The following TUSC3 variants were observed in gnomAD, a reference collection of about 807,000 sequenced individuals.
TUSC3 encodes the protein dolichyl-diphosphooligosaccharide--protein glycosyltransferase subunit TUSC3.
Under a neutral mutation model 44.8 loss-of-function variants are expected in TUSC3, and 45 were observed. The observed-to-expected ratio is 1.00, with a 90% CI of 0.79 to 1.29. The LOEUF (loss-of-function observed/expected upper bound fraction) is 1.29. Among genes scored for constraint, TUSC3 ranks in the 50% most tolerant of loss-of-function variants. TUSC3 has a pLI of 0.00. For missense variants in TUSC3, 519 were observed against 437.9 expected (o/e 1.19, Z -1.65); for synonymous variants, 212 against 152.9 (o/e 1.39, Z -2.85).
chr8:15,839,151 T>G, the TUSC3 span, among the ~76,000 whole-genome samples: 5 of 152,280 alleles, frequency 3.3e-5, no homozygotes, highest in African/African-American at 1.2e-4. Flanking sequence ...ATGATTTGGC[T>G]CTCTGTTTGT....
At chr8:15,418,800 G>T (rs1799690995) in intron 1 of TUSC3, among the ~76,000 whole-genome samples, 1 of 152,170 alleles carries the variant, frequency 6.6e-6, no homozygotes, top group South Asian at 2.1e-4. Context: ...GAAGTCAGCA[G>T]TTCAAGACCA....
chr8:15,743,695 T>G, intron 8 of TUSC3, 83 bp downstream of exon 8: 1 of 1,424,556 alleles, frequency 7.0e-7, no homozygotes, highest in Non-Finnish European at 9.9e-7. Context: ...ATAAAAGCCC[T>G]TTGTAAACAA....
chr8:15,607,986 T>C (rs1804606673), intron 1 of TUSC3, among the ~76,000 whole-genome samples: 2 of 152,196 alleles, frequency 1.3e-5, no homozygotes, highest in Admixed American at 1.3e-4. Context: ...AAGCATGCAG[T>C]GATACAGCAA....
the TUSC3 span, among the ~76,000 whole-genome samples, chr8:15,803,189 G>A: frequency 2.0e-5 from 3 of 147,378 alleles, no homozygotes; most frequent in African/African-American, 4.9e-5. Context: ...TGCCTAAAAC[G>A]TGCTTTATTA....
chr8:15,464,060 A>G (rs1800383478), intron 1 of TUSC3, among the ~76,000 whole-genome samples: 1 of 152,196 alleles, frequency 6.6e-6, no homozygotes, highest in Non-Finnish European at 1.5e-5. Context: ...ACTGTACTCT[A>G]ACAGCCTCAG....
the TUSC3 span, among the ~76,000 whole-genome samples, chr8:15,842,141 C>A: frequency 2.0e-5 from 3 of 152,206 alleles, no homozygotes; most frequent in African/African-American, 7.2e-5. Flanking sequence ...ACAAAACCTT[C>A]TTCTTGGCAT....
intron 1 of TUSC3, among the ~76,000 whole-genome samples, chr8:15,423,564 T>A (rs1799764122): frequency 6.6e-6 from 1 of 152,200 alleles, no homozygotes; most frequent in Non-Finnish European, 1.5e-5. Flanking sequence ...TCTTGTTAGC[T>A]GCCAGTTTGA....
chr8:15,630,871 G>C, intron 2 of TUSC3, among the ~76,000 whole-genome samples: 1 of 152,140 alleles, frequency 6.6e-6, no homozygotes, highest in African/African-American at 2.4e-5. Flanking sequence ...TCCTTACAGA[G>C]AGGTCACACC....
rs567170060 is a variant in TUSC3, at chr8:15,593,762, C to A, written c.139-29318C>A. ...GTTTTTCCCTTTCTACATCCAAGATCCTTTTCTTTGATTCTTTATGCTCTG... is the reference window on the plus strand; with the variant it reads ...GTTTTTCCCTTTCTACATCCAAGATACTTTTCTTTGATTCTTTATGCTCTG... On this transcript the variant is annotated intron_variant, in intron 1 of 10. Transcript: ENST00000503731. 1.5e-3 allele frequency among the ~76,000 whole-genome samples: 233 copies of A among 152,206 alleles called. 1 individual carries two copies. The highest frequency in any genetic ancestry group is 5.4e-3 in the African/African-American group (226 of 41,548).
chr8:15,581,637 A>AG (rs1054829424), intron 1 of TUSC3, among the ~76,000 whole-genome samples: 1 of 149,796 alleles, frequency 6.7e-6, no homozygotes, highest in Non-Finnish European at 1.5e-5. Context: ...CTTGGGGGTC[A>AG]GGGGTCAGGG....
At chr8:15,454,869 T>A (rs1484075166) in intron 1 of TUSC3, among the ~76,000 whole-genome samples, 1 of 152,210 alleles carries the variant, frequency 6.6e-6, no homozygotes, top group African/African-American at 2.4e-5. Flanking sequence ...TATTACCTTT[T>A]GAGGCATAAT....
chr8:15,443,587 T>C (rs1315297568), intron 1 of TUSC3, among the ~76,000 whole-genome samples: 1 of 152,124 alleles, frequency 6.6e-6, no homozygotes, highest in Non-Finnish European at 1.5e-5. Flanking sequence ...TTCCTGGGTG[T>C]AGGCTGAACT....
chr8:15,786,775 C>G, the TUSC3 span, among the ~76,000 whole-genome samples: 1 of 151,466 alleles, frequency 6.6e-6, no homozygotes, highest in East Asian at 2.0e-4. Context: ...AACCCTGTCT[C>G]TGCTAAAAAT....
At chr8:15,603,548 A>G (rs755380464) in intron 1 of TUSC3, among the ~76,000 whole-genome samples, 1 of 151,682 alleles carries the variant, frequency 6.6e-6, no homozygotes, top group Admixed American at 6.6e-5. Flanking sequence ...AGTACAATAT[A>G]TAGGATTATA....
At chr8:15,445,794 C>A (rs897389666) in intron 1 of TUSC3, among the ~76,000 whole-genome samples, 1 of 152,234 alleles carries the variant, frequency 6.6e-6, no homozygotes, top group African/African-American at 2.4e-5. Context: ...ACAAAACCAC[C>A]ATCGTCATCA....
chr8:15,606,929 G>GTC (rs1315234464), intron 1 of TUSC3, among the ~76,000 whole-genome samples: 1 of 152,010 alleles, frequency 6.6e-6, no homozygotes, highest in African/African-American at 2.4e-5. Context: ...GTGTGTGTGT[G>GTC]TGTGTGTATG....
At chr8:15,469,896 G>C (rs1175942910) in intron 1 of TUSC3, among the ~76,000 whole-genome samples, 2 of 152,168 alleles carry the variant, frequency 1.3e-5, no homozygotes, top group South Asian at 2.1e-4. Flanking sequence ...AGTCTGAAAA[G>C]ACTCTACACT....
intron 1 of TUSC3, among the ~76,000 whole-genome samples, chr8:15,592,895 A>G (rs1803910743): frequency 6.6e-6 from 1 of 152,138 alleles, no homozygotes; most frequent in South Asian, 2.1e-4. Context: ...GCCAGCCAGT[A>G]GTGTTGTCAT....
Position 15,486,065 on chromosome 8 carries a change from T to C in TUSC3, n.189+2582T>C, listed in dbSNP as rs985950089. Among the ~76,000 whole-genome samples the C allele has an allele frequency of 2.6e-5, 4 of 152,146 alleles. No homozygotes were observed. The South Asian group carries it at 6.2e-4, about 24-fold the overall frequency. ...CACCTTGGCCTCCCATGGTGCCTGA[T>C]TACAGACATGAGCCACCTTGCCCAG... is the stretch of plus-strand genomic sequence containing the variant. On this transcript the variant is annotated intron_variant and non_coding_transcript_variant, in intron 2 of 5. Transcript: ENST00000503191.
Sources: allele counts gnomAD v4.1 joint callset (sites outside exome capture counted in the v4.1 genomes callset), GRCh38; gene constraint gnomAD v4.1.1; transcripts MANE v1.5; gene names NCBI Gene and HGNC (gene_info 2026-07-23, HGNC 2026-07-21).